Variants in MAN1B1 observed in about 807,000 individuals in gnomAD.
The protein encoded by MAN1B1 is endoplasmic reticulum mannosyl-oligosaccharide 1,2-alpha-mannosidase.
In MAN1B1, 66 loss-of-function variants were observed where a neutral mutation model predicts 75.5. That is an observed-to-expected ratio of 0.87 (90% confidence interval 0.72 to 1.07). The LOEUF (loss-of-function observed/expected upper bound fraction) is 1.07. Among genes scored for constraint, MAN1B1 ranks in the 50% least tolerant of loss-of-function variants. MAN1B1 has a pLI of 0.00. For missense variants in MAN1B1, 973 were observed against 912.5 expected (o/e 1.07, Z -0.85); for synonymous variants, 453 against 382.8 (o/e 1.18, Z -2.14).
chr9:137,088,726 A>G, intron 2 of MAN1B1, 143 bp from the exon 3 acceptor site: 7 of 926,480 alleles, frequency 7.6e-6, no homozygotes, highest in Non-Finnish European at 1.2e-5. Context: ...CCCTTGGGAC[A>G]TTGTTGAATT....
rs886063730 is a variant in MAN1B1 at position 137,107,304 on chromosome 9, C to A, written c.1621C>A (p.Leu541Met). 1 of 1,613,030 alleles carries A rather than the reference C, an allele frequency of 6.2e-7. No individual in the cohort carries two copies. Among genetic ancestry groups the A allele is most frequent in the Non-Finnish European group, 8.5e-7 (1 of 1,180,010 alleles). Residue 541 changes from leucine (L) to methionine (M), a missense_variant, in exon 11 of 13, where the codon CTG becomes ATG. Physicochemically the swap from Leu to Met is conservative, Grantham distance 15. Transcript: ENST00000371589. ...GTLALGVYHG[L>M]PASHMELAQE... ...GCTGGCTCTGGGCGTCTACCACGGC[C>A]TGCCCGCCAGCCACATGGAGCTGGC...
At position 137,101,049 on chromosome 9, in the gene MAN1B1, G is replaced by C; in HGVS notation, c.961G>C (p.Glu321Gln). ...RKWVSKKLHF[E>Q]KDVDVNLFES... is the part of the protein sequence containing the mutation. Reference sequence around the variant, plus strand: ...GTGGGTGTCGAAGAAGTTACACTTTGAAAAGGACGTGGACGTCAACCTGTT... The same window carrying C: ...GTGGGTGTCGAAGAAGTTACACTTTCAAAAGGACGTGGACGTCAACCTGTT... Residue 321 changes from glutamate (E) to glutamine (Q), a missense_variant, in exon 7 of 13, where the codon GAA (glutamate) becomes CAA (glutamine). Glu to Gln is a conservative substitution (Grantham distance 29, BLOSUM62 2). Transcript: ENST00000371589. 1.2e-6 allele frequency: 2 copies of C among 1,614,198 alleles called. No homozygotes were observed. Among genetic ancestry groups the C allele is most frequent in the Non-Finnish European group, 1.7e-6 (2 of 1,180,030 alleles).
At chr9:137,089,107 C>T in intron 3 of MAN1B1, 102 bp downstream of exon 3, 1 of 1,417,444 alleles carries the variant, frequency 7.1e-7, no homozygotes, top group Non-Finnish European at 1.0e-6. Context: ...CCATTTATTA[C>T]CACGTGTTTA....
chr9:137,090,545 T>A (rs889125096), intron 3 of MAN1B1, among the ~76,000 whole-genome samples: 1 of 149,530 alleles, frequency 6.7e-6, no homozygotes, highest in African/African-American at 2.4e-5. Flanking sequence ...GTGTTTTGAT[T>A]TTTTTTTTTT....
At position 137,108,889 on chromosome 9, in the gene MAN1B1, A is replaced by AGGG; in HGVS notation, c.*302_*304dup. 1.8e-6 allele frequency: 1 copy of AGGG among 562,836 alleles called. No homozygotes were observed. Among genetic ancestry groups the AGGG allele is most frequent in the South Asian group, 1.5e-5 (1 of 65,452 alleles). 34.9% of individuals were successfully genotyped at this position (562,836 alleles called of 1,614,324 possible). On this transcript the variant is annotated 3_prime_UTR_variant, in exon 13 of 13. Coordinates refer to ENST00000371589, the MANE Select transcript of MAN1B1 (RefSeq NM_016219.5). ...GAGCAGGTCTCTGTGGGCCGACCAG[A>AGGG]GGGGGGCTTCGAGGTGGTCCCTGGT...
In MAN1B1 at chr9:137,108,716, G is replaced by A. The variant is rs1321082410; in HGVS notation, c.*125G>A. 3 of 880,138 alleles carry A rather than the reference G, an allele frequency of 3.4e-6. No homozygotes were observed. The highest frequency in any genetic ancestry group is 5.7e-6 in the Non-Finnish European group (3 of 527,088). The allele number at this position is 880,138 out of a possible 1,614,324, so 54.5% of individuals were successfully genotyped here. ...TGGCCCAGGCTCTGAACTGGCTCTG[G>A]GCTCCTCCTCGTCTCTGCTTTAATC... On this transcript the variant is annotated 3_prime_UTR_variant, in exon 13 of 13. Coordinates refer to ENST00000371589, the MANE Select transcript of MAN1B1 (RefSeq NM_016219.5).
rs1282037070 is a variant in MAN1B1, at chr9:137,097,852, T to C, written c.645T>C (p.Pro215=). 1.9e-6 allele frequency: 3 copies of C among 1,556,648 alleles called. No homozygotes were observed. The highest frequency in any genetic ancestry group is 2.6e-6 in the Non-Finnish European group (3 of 1,150,698). The change falls in exon 5 of 13, where the codon CCT becomes CCC. Residue 215 remains proline, a synonymous_variant. Transcript: ENST00000371589. ...GCTGGAGGGGAGCGGTGATCGAGCC[T>C]GAGCAGGGCACCGAGCTCCCTTCAA... is the stretch of plus-strand genomic sequence containing the variant. ...VISWRGAVIE[P]EQGTELPSRR...
At chr9:137,092,008 G>A (rs1369638907) in intron 3 of MAN1B1, among the ~76,000 whole-genome samples, 1 of 152,186 alleles carries the variant, frequency 6.6e-6, no homozygotes, top group African/African-American at 2.4e-5. Flanking sequence ...CATTGAGAAG[G>A]TATAAAGGGG....
chr9:137,097,766 G>C (rs1287565838), intron 4 of MAN1B1, 62 bp from the exon 5 acceptor site: 2 of 1,289,398 alleles, frequency 1.6e-6, no homozygotes, highest in African/African-American at 1.5e-5. Flanking sequence ...GGAGCGTGGG[G>C]GTGGGAAACA....
intron 8 of MAN1B1, chr9:137,102,658 C>A (rs200291997): frequency 2.3e-6 from 1 of 425,922 alleles, no homozygotes; most frequent in South Asian, 1.6e-5. Flanking sequence ...GCGTGCAGGT[C>A]GGTGGTGTTA....
rs534361904 is a variant in MAN1B1, at chr9:137,102,671, C to T, written c.1254+999C>T. 4.8e-4 allele frequency: 209 copies of T among 433,930 alleles called. 3 individuals carry two copies. The highest frequency in any genetic ancestry group is 4.1e-3 in the African/African-American group (176 of 42,484). The allele number at this position is 433,930 out of a possible 1,614,324, so 26.9% of individuals were successfully genotyped here. A position where few individuals can be genotyped will look rare whatever the true frequency, so the allele number is the denominator to read the frequency against. ...TGGCGTGCAGGTCGGTGGTGTTACA[C>T]ACATTCACACTGTTGCAGACATGCA... On this transcript the variant is annotated intron_variant, in intron 8 of 12. Coordinates refer to ENST00000371589, the MANE Select transcript of MAN1B1 (RefSeq NM_016219.5).
At chr9:137,087,695 G>A (rs1830411447) in intron 1 of MAN1B1, 2 of 404,256 alleles carry the variant, frequency 4.9e-6, no homozygotes, top group Admixed American at 3.9e-5. Flanking sequence ...ATCTGTGGGA[G>A]TCGCAGGAGT....
Position 137,107,291 on chromosome 9 carries a change from C to G in MAN1B1, c.1608C>G (p.Gly536=). ...TCCTGCCAGGGACGCTGGCTCTGGG[C>G]GTCTACCACGGCCTGCCCGCCAGCC... ...VCFLPGTLAL[G]VYHGLPASHM... is the part of the protein sequence containing the mutation. Residue 536 remains glycine, a synonymous_variant, in exon 11 of 13, where the codon GGC becomes GGG. Transcript: ENST00000371589. 1 of 1,613,090 alleles carries G rather than the reference C, an allele frequency of 6.2e-7. No homozygotes were observed. Among genetic ancestry groups the G allele is most frequent in the Non-Finnish European group, 8.5e-7 (1 of 1,179,978 alleles).
chr9:137,097,409 G>A (rs1270720749), intron 4 of MAN1B1, among the ~76,000 whole-genome samples: 11 of 152,228 alleles, frequency 7.2e-5, no homozygotes, highest in African/African-American at 2.2e-4. Context: ...TCGATGGGGA[G>A]TTTGAGTGGC....
At chr9:137,106,890 A>AACG (rs2099752516) in intron 10 of MAN1B1, 81 bp downstream of exon 10, 1 of 1,430,874 alleles carries the variant, frequency 7.0e-7, no homozygotes, top group African/African-American at 3.0e-5. Context: ...TGTCAAAAAG[A>AACG]ACGAAATCCT....
intron 8 of MAN1B1, chr9:137,103,948 C>T (rs1831000627): frequency 2.3e-6 from 1 of 438,556 alleles, no homozygotes; most frequent in Non-Finnish European, 4.6e-6. Flanking sequence ...TGCAGGCGTG[C>T]AGGTCGGTGG....
chr9:137,100,636 T>C (rs962375981), intron 6 of MAN1B1, among the ~76,000 whole-genome samples: 16 of 152,198 alleles, frequency 1.1e-4, no homozygotes, highest in African/African-American at 3.9e-4. Flanking sequence ...GTGGGTTTTT[T>C]GGAGACAGAG....
chr9:137,095,399 A>C (rs895116155), intron 3 of MAN1B1, among the ~76,000 whole-genome samples: 1 of 151,972 alleles, frequency 6.6e-6, no homozygotes, highest in Non-Finnish European at 1.5e-5. Flanking sequence ...GGAGCAATCT[A>C]AATATCCATC....
rs371953096 is a variant in MAN1B1 at position 137,101,469 on chromosome 9, C to G, written c.1066-15C>G. The G allele has an allele frequency of 3.4e-5, 55 of 1,613,318 alleles. No individual in the cohort carries two copies. Among genetic ancestry groups the G allele is most frequent in the Non-Finnish European group, 4.4e-5 (52 of 1,179,846 alleles). ...GTGACCTGAACGTTGGTTCTCTACT[C>G]TGCTCATATACCAGGAGGATTTTGG... is the stretch of plus-strand genomic sequence containing the variant. On this transcript the variant is annotated splice_polypyrimidine_tract_variant and intron_variant, in intron 7 of 12. Coordinates refer to ENST00000371589, the MANE Select transcript of MAN1B1 (RefSeq NM_016219.5).
Sources: allele counts gnomAD v4.1 joint callset (sites outside exome capture counted in the v4.1 genomes callset), GRCh38; gene constraint gnomAD v4.1.1; transcripts MANE v1.5; gene names NCBI Gene and HGNC (gene_info 2026-07-23, HGNC 2026-07-21).